Variants in WNK2 observed in about 807,000 individuals in gnomAD.
WNK2 encodes serine/threonine-protein kinase WNK2.
WNK2 carries 67 observed loss-of-function variants against 192.1 expected under a neutral mutation model. The observed-to-expected ratio is 0.35, with a 90% CI of 0.29 to 0.43. The LOEUF is 0.43. Ranked by LOEUF, WNK2 falls within the 20% of genes least tolerant of loss-of-function variation. The probability of loss-of-function intolerance (pLI) is 1.00; values close to 1 mark genes in which losing one functional copy is unlikely to be tolerated. For synonymous variants in WNK2, 1,439 were observed against 1,393.9 expected, an observed-to-expected ratio of 1.03 and a Z score of -0.72; for missense variants, 2,698 against 3,089.7, an observed-to-expected ratio of 0.87 and a Z score of 3.01.
At chr9:93,317,390 C>A in intron 28 of WNK2, 130 bp from the exon 29 acceptor site, 1 of 793,878 alleles carries the variant, frequency 1.3e-6, no homozygotes, top group Non-Finnish European at 2.0e-6. Context: ...TGAGAGGGTG[C>A]CTGTCACAGC....
chr9:93,252,964 C>A lies in WNK2; in HGVS notation c.1916C>A (p.Ser639Tyr), dbSNP rs773020128. The A allele has an allele frequency of 6.3e-7, 1 of 1,576,170 alleles. No homozygotes were observed. Among genetic ancestry groups the A allele is most frequent in the South Asian group, 1.2e-5 (1 of 85,614 alleles). Residue 639 changes from serine to tyrosine, a missense_variant, in exon 9 of 30, where the codon TCC (serine) becomes TAC (tyrosine). Ser to Tyr is a moderately radical substitution (Grantham distance 144). Around this residue, in one of 7 missense-constraint regions of WNK2, gnomAD observed 893 missense variants for 909.0 expected, o/e 0.98. Transcript: ENST00000427277. The stretch of plus-strand genomic sequence containing the variant: ...AGCCAGCAGAGCGTGATGCTTGGCT[C>A]CCTTGCCGACGCAGCGCCGTCCCCG... ...QSSQQSVMLG[S>Y]LADAAPSPAQ...
At chr9:93,295,174 T>G (rs1475152299) in intron 23 of WNK2, among the ~76,000 whole-genome samples, 1 of 152,184 alleles carries the variant, frequency 6.6e-6, no homozygotes, top group African/African-American at 2.4e-5. Flanking sequence ...GCACCCCCTG[T>G]GTCGGAGCCA....
intron 2 of WNK2, among the ~76,000 whole-genome samples, chr9:93,224,688 G>A (rs1226843952): frequency 6.6e-6 from 1 of 152,156 alleles, no homozygotes; most frequent in African/African-American, 2.4e-5. Context: ...ACCACTATGA[G>A]GGAACAAGAG....
At chr9:93,236,615 C>T (rs1325188604) in intron 5 of WNK2, among the ~76,000 whole-genome samples, 1 of 152,264 alleles carries the variant, frequency 6.6e-6, no homozygotes, top group Non-Finnish European at 1.5e-5. Flanking sequence ...CCCCGCCCTG[C>T]TGCTTCTGAG....
chr9:93,291,317 C>A (rs1849309206), intron 21 of WNK2, among the ~76,000 whole-genome samples: 1 of 152,178 alleles, frequency 6.6e-6, no homozygotes, highest in South Asian at 2.1e-4. Flanking sequence ...CAGTAACTTG[C>A]AAATGATATA....
At position 93,261,933 on chromosome 9, in the gene WNK2, C is replaced by A. The variant is rs751676447; in HGVS notation, c.3186C>A (p.Ala1062=). The A allele has an allele frequency of 6.2e-7, 1 of 1,610,182 alleles. No individual in the cohort carries two copies. The highest frequency in any genetic ancestry group is 1.3e-5 in the African/African-American group (1 of 75,056). The change falls in exon 13 of 30, where the codon GCC becomes GCA. Residue 1062 remains alanine, a synonymous_variant. Transcript: ENST00000427277. ...TGCCGGAAGTGCTGCTGCCTGCCGC[C>A]CCTGAGCTCCTGCCTCAGTTCCCCA... ...PPLPEVLLPA[A]PELLPQFPSS...
At chr9:93,230,691 C>CA in intron 3 of WNK2, among the ~76,000 whole-genome samples, 197 bp from the exon 4 acceptor site, 1 of 152,248 alleles carries the variant, frequency 6.6e-6, no homozygotes, top group East Asian at 1.9e-4. Context: ...TGAGCCCACC[C>CA]AGCTGGCTGC....
intron 16 of WNK2, among the ~76,000 whole-genome samples, chr9:93,264,836 G>A (rs761974679): frequency 2.6e-5 from 4 of 152,222 alleles, no homozygotes; most frequent in Non-Finnish European, 4.4e-5. Context: ...GGAGTAGGCC[G>A]GCATGAGTAG....
At position 93,252,893 on chromosome 9, in the gene WNK2, C is replaced by T. The variant is rs533826158; in HGVS notation, c.1845C>T (p.Thr615=). The T allele has an allele frequency of 7.3e-6, 11 of 1,497,420 alleles. No individual in the cohort carries two copies. The African/African-American group carries it at 1.3e-4, about 17-fold the overall frequency. The allele number at this position is 1,497,420 out of a possible 1,614,324, so 92.8% of individuals were successfully genotyped here. ...TTTTGTCCTCCCCAGCGGACAGCACCTTCGACAGCGGCCAGGGCTCTACCG... is the reference window on the plus strand; with the variant it reads ...TTTTGTCCTCCCCAGCGGACAGCACTTTCGACAGCGGCCAGGGCTCTACCG... ...TSATSLASDS[T]FDSGQGSTVY... The change falls in exon 9 of 30, where the codon ACC becomes ACT. Residue 615 remains threonine (T), a synonymous_variant. Coordinates refer to ENST00000427277, the MANE Select transcript of WNK2 (RefSeq NM_006648.4).
At chr9:93,308,228 C>A in intron 27 of WNK2, 100 bp from the exon 28 acceptor site, 1 of 1,475,420 alleles carries the variant, frequency 6.8e-7, no homozygotes, top group South Asian at 1.4e-5. Context: ...CAAGTGAGAC[C>A]ATTGTCTCAG....
Position 93,318,426 on chromosome 9 carries a change from G to A in WNK2, c.6628+795G>A, listed in dbSNP as rs1011810696. The stretch of plus-strand genomic sequence containing the variant: ...TCCAGGGGCTGAGAGACGGCGGGAC[G>A]CTGGGGCAGGGCACACTGGCGGAGC... On this transcript the variant is annotated intron_variant, in intron 29 of 29. Coordinates refer to ENST00000427277, the MANE Select transcript of WNK2 (RefSeq NM_006648.4). 6 of 1,614,004 alleles carry A rather than the reference G, an allele frequency of 3.7e-6. No homozygotes were observed. The African/African-American group carries it at 4.0e-5, about 11-fold the overall frequency.
chr9:93,290,827 C>G (rs1478727370), intron 21 of WNK2, among the ~76,000 whole-genome samples: 4 of 152,212 alleles, frequency 2.6e-5, no homozygotes, highest in Non-Finnish European at 5.9e-5. Context: ...TGTGGAAACA[C>G]CTTTGCTTTG....
intron 24 of WNK2, 30 bp from the exon 25 acceptor site, chr9:93,299,040 G>T (rs775822267): frequency 8.8e-6 from 14 of 1,594,974 alleles, no homozygotes; most frequent in Admixed American, 3.4e-5. Context: ...GCGCCTCATC[G>T]TGCCTGTCGC....
intron 19 of WNK2, among the ~76,000 whole-genome samples, chr9:93,275,923 A>ACTACAAAGTACCGATG (rs1372636279): frequency 1.3e-5 from 2 of 152,214 alleles, no homozygotes; most frequent in Admixed American, 6.5e-5. Context: ...TATGCTGAAA[A>ACTACAAAGTACCGATG]CTACAAAGTA....
chr9:93,290,388 G>T (rs1212308411), intron 21 of WNK2, among the ~76,000 whole-genome samples: 2 of 149,468 alleles, frequency 1.3e-5, no homozygotes, highest in Admixed American at 6.7e-5. Context: ...TGTATCTCAT[G>T]TGTGACCCAA....
At chr9:93,193,393 C>T (rs541593211) in intron 2 of WNK2, among the ~76,000 whole-genome samples, 27 of 152,314 alleles carry the variant, frequency 1.8e-4, no homozygotes, top group African/African-American at 6.5e-4. Context: ...TCAGGTCAAC[C>T]TCTTTTCACC....
At position 93,268,198 on chromosome 9, in the gene WNK2, G is replaced by C; in HGVS notation, c.3913+133G>C. The stretch of plus-strand genomic sequence containing the variant: ...GTGGTGACCAGGGGCCCCAGTCTGG[G>C]GACAGCTGCCCTGTCCGAGGAGCTG... On this transcript the variant is annotated intron_variant, in intron 18 of 29. Coordinates refer to ENST00000427277, the MANE Select transcript of WNK2 (RefSeq NM_006648.4). 6 of 1,235,764 alleles carry C rather than the reference G, an allele frequency of 4.9e-6. No homozygotes were observed. The South Asian group carries it at 8.3e-5, about 17-fold the overall frequency. 76.5% of individuals were successfully genotyped at this position (1,235,764 alleles called of 1,614,324 possible). A position where few individuals can be genotyped will look rare whatever the true frequency, so the allele number is the denominator to read the frequency against.
rs767200622 is a variant in WNK2, at chr9:93,300,134, G to A, written c.6199G>A (p.Val2067Ile). ...KPRARFLSGPVSVSIWSALKR... is the reference protein window; with the variant it reads ...KPRARFLSGPISVSIWSALKR... ...TCGTGCTCGATTCCTCAGTGGACCC[G>A]TATCTGTGTCCATCTGTCTGTATTT... The change falls in exon 26 of 30, where the codon GTA (valine) becomes ATA (isoleucine). Residue 2067 changes from valine to isoleucine, a missense_variant. Around this residue, in one of 7 missense-constraint regions of WNK2, gnomAD observed 29 missense variants for 55.6 expected, o/e 0.52. Transcript: ENST00000427277. 3.1e-6 allele frequency: 5 copies of A among 1,612,720 alleles called. No individual in the cohort carries two copies. The highest frequency in any genetic ancestry group is 3.4e-6 in the Non-Finnish European group (4 of 1,179,172).
intron 19 of WNK2, among the ~76,000 whole-genome samples, chr9:93,284,614 G>A (rs1326134923): frequency 6.6e-6 from 1 of 151,828 alleles, no homozygotes; most frequent in Non-Finnish European, 1.5e-5. Context: ...GGGGTGGGCA[G>A]GAAAGGAAGG....
Sources: gnomAD v4.1 joint callset for allele counts (sites outside exome capture counted in the v4.1 genomes callset) on GRCh38, gnomAD v4.1.1 for gene constraint, gnomAD v4.1.1 regional missense constraint, MANE v1.5 for transcripts, NCBI Gene and HGNC (gene_info 2026-07-23, HGNC 2026-07-21) for gene names.